ARSH: variants seen among roughly 807,000 people sequenced by gnomAD.
The protein encoded by ARSH is arylsulfatase family member H.
ARSH carries 32 observed loss-of-function variants against 28.7 expected under a neutral mutation model. The observed-to-expected ratio is 1.11, with a 90% CI of 0.84 to 1.50. The LOEUF is 1.50. Ranked by LOEUF, ARSH falls within the 40% of genes most tolerant of loss-of-function variation. The pLI is 0.00. For missense variants in ARSH, 440 were observed against 452.4 expected, an observed-to-expected ratio of 0.97 and a Z score of 0.25; for synonymous variants, 176 against 177.3, an observed-to-expected ratio of 0.99 and a Z score of 0.06.
intron 3 of ARSH, among the ~76,000 whole-genome samples, chrX:3,014,088 C>A (rs1205294607): frequency 9.0e-6 from 1 of 110,987 alleles, no homozygotes; most frequent in Non-Finnish European, 1.9e-5. Flanking sequence ...CATAGCAAGA[C>A]CCTGGATCTA....
chrX:3,008,699 G>A (rs1179487194), intron 1 of ARSH, among the ~76,000 whole-genome samples: 3 of 106,758 alleles, frequency 2.8e-5, no homozygotes, highest in Non-Finnish European at 5.8e-5. Context: ...ATAGGCATGA[G>A]CCCCCACACC....
At chrX:3,008,244 G>A (rs967146637) in intron 1 of ARSH, among the ~76,000 whole-genome samples, 1 of 111,465 alleles carries the variant, frequency 9.0e-6, no homozygotes, top group Non-Finnish European at 1.9e-5. Context: ...TATCTTCCTT[G>A]AATTACTTCT....
chrX:3,024,259 TG>T lies in ARSH; in HGVS notation c.1036+105del. Reference sequence around the variant, plus strand: ...TTGCCATGATGTTCAGATATTTTGATGTGAGTTAGACTCTTATTAAGCTAGA... The same window carrying T: ...TTGCCATGATGTTCAGATATTTTGATTGAGTTAGACTCTTATTAAGCTAGA... On this transcript the variant is annotated intron_variant, in intron 6 of 8. Transcript: ENST00000381130. The T allele has an allele frequency of 4.5e-6, 4 of 890,738 alleles. No individual in the cohort carries two copies. The Middle Eastern group carries it at 1.6e-3, about 346-fold the overall frequency. 73.4% of individuals were successfully genotyped at this position (890,738 alleles called of 1,213,427 possible). A position where few individuals can be genotyped will look rare whatever the true frequency, so the allele number is the denominator to read the frequency against.
intron 5 of ARSH, among the ~76,000 whole-genome samples, chrX:3,020,137 A>G (rs2089877599): frequency 9.4e-6 from 1 of 106,757 alleles, no homozygotes; most frequent in Non-Finnish European, 1.9e-5. Flanking sequence ...AAATACAAAC[A>G]TTAGCCAGGC....
chrX:3,011,103 T>C (rs1250071989), intron 2 of ARSH, among the ~76,000 whole-genome samples: 1 of 111,244 alleles, frequency 9.0e-6, no homozygotes, highest in Non-Finnish European at 1.9e-5. Flanking sequence ...TCCATTTTGT[T>C]CAAAATAGTT....
At chrX:3,030,008 C>T (rs1337083738) in intron 8 of ARSH, among the ~76,000 whole-genome samples, 5 of 112,107 alleles carry the variant, frequency 4.5e-5, no homozygotes, top group Non-Finnish European at 9.4e-5. Context: ...GTGTGACCCA[C>T]CACAGCCGAT....
In ARSH at chrX:3,015,287, C is replaced by T. The variant is rs750510661; in HGVS notation, c.658C>T (p.Arg220Cys). The change falls in exon 4 of 9, where the codon CGT becomes TGT. Residue 220 changes from arginine to cysteine, a missense_variant. Physicochemically the swap from Arg to Cys is radical, Grantham distance 180. Coordinates refer to ENST00000381130, the MANE Select transcript of ARSH (RefSeq NM_001011719.2). ...GTACTCTAGTTATGGATTTACTCGA[C>T]GTTGGAATTGCATCCTTATGAGGAA... ...SWYSSYGFTR[R>C]WNCILMRNHE... 23 of 1,209,511 alleles carry T rather than the reference C, an allele frequency of 1.9e-5. No individual in the cohort carries two copies. Among genetic ancestry groups the T allele is most frequent in the Middle Eastern group, 2.3e-4 (1 of 4,375 alleles).
At chrX:3,019,002 C>A (rs1014726858) in intron 5 of ARSH, among the ~76,000 whole-genome samples, 4 of 111,761 alleles carry the variant, frequency 3.6e-5, no homozygotes. Context: ...CAGTGGCTCA[C>A]ACCTGTAATC....
rs758353243 is a variant in ARSH at position 3,013,179 on chromosome X, C to T, written c.340+7C>T. The T allele has an allele frequency of 8.4e-6, 10 of 1,197,186 alleles. No homozygotes were observed. In the African/African-American group the frequency reaches 1.2e-4, roughly 15 times the overall value. On this transcript the variant is annotated splice_region_variant and intron_variant, in intron 3 of 8. Transcript: ENST00000381130. ...TACCGCACGGGACTCATAGGTATGG[C>T]GCCGGAACTCTGCCCGTGGAAACGT...
At position 3,033,428 on chromosome X, in the gene ARSH, C is replaced by T; in HGVS notation, c.*43C>T. The T allele has an allele frequency of 8.7e-7, 1 of 1,148,801 alleles. No homozygotes were observed. Among genetic ancestry groups the T allele is most frequent in the Non-Finnish European group, 1.2e-6 (1 of 858,789 alleles). 94.7% of individuals were successfully genotyped at this position (1,148,801 alleles called of 1,213,427 possible). A position where few individuals can be genotyped will look rare whatever the true frequency, so the allele number is the denominator to read the frequency against. On this transcript the variant is annotated 3_prime_UTR_variant, in exon 9 of 9. Coordinates refer to ENST00000381130, the MANE Select transcript of ARSH (RefSeq NM_001011719.2). The stretch of plus-strand genomic sequence containing the variant: ...GTTACCCACCACAAACTTACTGTTA[C>T]AATGGTCATAGGAGCAGAGCTCACC...
chrX:3,014,536 C>T (rs1298686514), intron 3 of ARSH, among the ~76,000 whole-genome samples: 1 of 110,995 alleles, frequency 9.0e-6, no homozygotes, highest in Non-Finnish European at 1.9e-5. Flanking sequence ...ATAAGAGGGT[C>T]GGAAGGCACT....
chrX:3,016,164 G>A (rs1434194226), intron 4 of ARSH, among the ~76,000 whole-genome samples: 1 of 108,813 alleles, frequency 9.2e-6, no homozygotes, highest in Admixed American at 9.9e-5. Flanking sequence ...GCACCTACAG[G>A]ATGCCTGGCT....
chrX:3,014,607 A>G (rs1198108039), intron 3 of ARSH, among the ~76,000 whole-genome samples: 1 of 111,533 alleles, frequency 9.0e-6, no homozygotes, highest in Non-Finnish European at 1.9e-5. Flanking sequence ...TCCCCACCAA[A>G]CAACCAAGAC....
Position 3,024,076 on chromosome X carries a change from C to A in ARSH, c.957C>A (p.Tyr319Ter). The change falls in exon 6 of 9, where the codon TAC becomes TAA. Residue 319 changes from tyrosine to a stop codon, truncating the protein, a stop_gained. Transcript: ENST00000381130. LOFTEE classifies it high-confidence loss of function. ...QERLANHTLV[Y>*]FTSDNGGHLE... Reference sequence around the variant, plus strand: ...GCCTGGCCAACCACACCTTGGTGTACTTCACCTCTGACAACGGGGGCCACC... The same window carrying A: ...GCCTGGCCAACCACACCTTGGTGTAATTCACCTCTGACAACGGGGGCCACC... 8.3e-7 allele frequency: 1 copy of A among 1,208,856 alleles called. No homozygotes were observed. Among genetic ancestry groups the A allele is most frequent in the East Asian group, 3.0e-5 (1 of 33,615 alleles).
Position 3,031,914 on chromosome X carries a change from A to G in ARSH, c.1322-1104A>G, listed in dbSNP as rs184284877. On this transcript the variant is annotated intron_variant, in intron 8 of 8. Coordinates refer to ENST00000381130, the MANE Select transcript of ARSH (RefSeq NM_001011719.2). ...CTTTCATTCTTGTGCATCTCACCTC[A>G]TGGTTGCAAAGTGGCTGCAGTTCCT... 2.7e-5 allele frequency among the ~76,000 whole-genome samples: 3 copies of G among 110,998 alleles called. No individual in the cohort carries two copies. In the East Asian group the frequency reaches 8.5e-4, roughly 31 times the overall value.
chrX:3,010,291 G>T, intron 2 of ARSH, 140 bp downstream of exon 2: 1 of 801,570 alleles, frequency 1.2e-6, no homozygotes, highest in South Asian at 2.9e-5. Context: ...TGTTATCCCT[G>T]GGCAGCTTAA....
intron 6 of ARSH, among the ~76,000 whole-genome samples, chrX:3,026,432 G>A (rs770394527): frequency 8.9e-6 from 1 of 112,234 alleles, no homozygotes; most frequent in African/African-American, 3.2e-5. Context: ...AGAGGCTTCC[G>A]GTTTTGTGTT....
chrX:3,029,555 G>A (rs1193421111), intron 8 of ARSH, among the ~76,000 whole-genome samples, 187 bp downstream of exon 8: 3 of 111,479 alleles, frequency 2.7e-5, no homozygotes, highest in African/African-American at 9.8e-5. Flanking sequence ...TTTTGAGATA[G>A]GGTCTCACTC....
intron 5 of ARSH, among the ~76,000 whole-genome samples, chrX:3,023,038 T>G (rs1316072310): frequency 9.2e-6 from 1 of 108,674 alleles, no homozygotes; most frequent in Non-Finnish European, 1.9e-5. Context: ...TTATTATATA[T>G]TCAATAATAA....
Sources: gnomAD v4.1 joint callset for allele counts (sites outside exome capture counted in the v4.1 genomes callset) on GRCh38, gnomAD v4.1.1 for gene constraint, MANE v1.5 for transcripts, NCBI Gene and HGNC (gene_info 2026-07-23, HGNC 2026-07-21) for gene names.